The following BNC2 variants were observed in gnomAD, a reference collection of about 807,000 sequenced individuals.
The protein encoded by BNC2 is zinc finger protein basonuclin-2.
In BNC2, 20 loss-of-function variants were observed where a neutral mutation model predicts 76.3. That is an observed-to-expected ratio of 0.26 (90% CI 0.18 to 0.38). BNC2 has a LOEUF of 0.38. Among genes scored for constraint, BNC2 ranks in the 10% least tolerant of loss-of-function variants. The pLI, the probability that BNC2 is intolerant of heterozygous loss-of-function variation, is 1.00. For missense variants in BNC2, 1,382 were observed against 1,399.8 expected, an observed-to-expected ratio of 0.99 and a Z score of 0.20; for synonymous variants, 582 against 514.8, an observed-to-expected ratio of 1.13 and a Z score of -1.77.
intron 6 of BNC2, among the ~76,000 whole-genome samples, chr9:16,426,636 G>C (rs568169845): frequency 6.6e-6 from 1 of 152,242 alleles, no homozygotes; most frequent in African/African-American, 2.4e-5. Flanking sequence ...AAAAGAGTGA[G>C]CATAATCTAA....
At chr9:16,625,258 T>A (rs1820962097) in intron 3 of BNC2, among the ~76,000 whole-genome samples, 1 of 152,158 alleles carries the variant, frequency 6.6e-6, no homozygotes, top group African/African-American at 2.4e-5. Flanking sequence ...CCAGACCCGA[T>A]CGGGAAATGA....
At chr9:16,556,394 A>C (rs1457802285) in intron 4 of BNC2, among the ~76,000 whole-genome samples, 1 of 152,128 alleles carries the variant, frequency 6.6e-6, no homozygotes, top group Non-Finnish European at 1.5e-5. Flanking sequence ...AATGGAAGTC[A>C]ATAGTAGATC....
intron 1 of BNC2, among the ~76,000 whole-genome samples, chr9:16,752,692 T>C (rs1246615455): frequency 6.6e-6 from 1 of 152,186 alleles, no homozygotes; most frequent in Non-Finnish European, 1.5e-5. Flanking sequence ...TCTAGAAACA[T>C]ATATATCATC....
At chr9:16,568,132 A>T (rs1819218410) in intron 4 of BNC2, among the ~76,000 whole-genome samples, 1 of 152,134 alleles carries the variant, frequency 6.6e-6, no homozygotes, top group African/African-American at 2.4e-5. Flanking sequence ...TCCCTTTAGA[A>T]TTCCAAATTA....
intron 1 of BNC2, among the ~76,000 whole-genome samples, chr9:16,745,288 C>T (rs539285306): frequency 1.3e-5 from 2 of 152,254 alleles, no homozygotes; most frequent in South Asian, 4.1e-4. Context: ...ATGTGTTTTG[C>T]TTGGCTCCTC....
chr9:16,600,781 G>A (rs1820223182), intron 3 of BNC2, among the ~76,000 whole-genome samples: 1 of 152,070 alleles, frequency 6.6e-6, no homozygotes, highest in African/African-American at 2.4e-5. Flanking sequence ...AAGAGCTAGG[G>A]TTATACATGA....
intron 1 of BNC2, among the ~76,000 whole-genome samples, chr9:16,769,905 G>C (rs1563934776): frequency 1.3e-5 from 2 of 152,078 alleles, no homozygotes; most frequent in South Asian, 4.1e-4. Context: ...CTCTAAGTGG[G>C]TGCTCCAGGA....
At chr9:16,820,552 A>C (rs1337665986) in intron 1 of BNC2, among the ~76,000 whole-genome samples, 3 of 152,210 alleles carry the variant, frequency 2.0e-5, no homozygotes, top group Admixed American at 1.3e-4. Flanking sequence ...GGCTTAAATA[A>C]CTATGCCTTT....
At chr9:16,524,891 T>C (rs747984974) in intron 5 of BNC2, among the ~76,000 whole-genome samples, 3 of 151,922 alleles carry the variant, frequency 2.0e-5, no homozygotes, top group Non-Finnish European at 4.4e-5. Flanking sequence ...CTGGGCAACA[T>C]AGTTTGACCC....
chr9:16,811,694 G>A (rs1341464536), intron 1 of BNC2, among the ~76,000 whole-genome samples: 1 of 152,102 alleles, frequency 6.6e-6, no homozygotes, highest in Non-Finnish European at 1.5e-5. Context: ...AAACCTTTCT[G>A]CAAAATGTCC....
intron 5 of BNC2, among the ~76,000 whole-genome samples, chr9:16,444,590 G>A (rs765677889): frequency 8.5e-5 from 13 of 152,048 alleles, no homozygotes; most frequent in Non-Finnish European, 4.4e-5. Context: ...ATGAACAGGG[G>A]CATTCAACAA....
intron 5 of BNC2, among the ~76,000 whole-genome samples, chr9:16,509,438 T>G (rs996717283): frequency 5.3e-5 from 8 of 152,208 alleles, no homozygotes; most frequent in African/African-American, 1.9e-4. Context: ...ACACATAAGT[T>G]ACTCAGCCAA....
intron 1 of BNC2, among the ~76,000 whole-genome samples, chr9:16,859,901 G>T (rs1018305614): frequency 1.6e-4 from 25 of 152,172 alleles, no homozygotes; most frequent in African/African-American, 6.0e-4. Flanking sequence ...CGGGCAGAAT[G>T]CTGAGGTCAA....
Position 16,412,893 on chromosome 9 carries a change from T to A in BNC2, c.*6096A>T, listed in dbSNP as rs1392683695. On this transcript the variant is annotated 3_prime_UTR_variant, in exon 7 of 7. Coordinates refer to ENST00000380672, the MANE Select transcript of BNC2 (RefSeq NM_017637.6). ...CATCCTTTTATATTTGATGGCCAAGTGCTGAACTGGAAAGCACACTATTAG... is the reference window on the plus strand; with the variant it reads ...CATCCTTTTATATTTGATGGCCAAGAGCTGAACTGGAAAGCACACTATTAG... 1.3e-5 allele frequency: 2 copies of A among 152,606 alleles called. No homozygotes were observed. The highest frequency in any genetic ancestry group is 3.8e-4 in the East Asian group (2 of 5,196). The allele number at this position is 152,606 out of a possible 1,614,324, so 9.5% of individuals were successfully genotyped here.
chr9:16,732,406 T>A (rs1351940225), intron 2 of BNC2, among the ~76,000 whole-genome samples: 1 of 152,200 alleles, frequency 6.6e-6, no homozygotes, highest in East Asian at 1.9e-4. Context: ...GAGTTCTATG[T>A]AAATATATAT....
intron 3 of BNC2, among the ~76,000 whole-genome samples, chr9:16,677,371 G>A (rs577552398): frequency 1.3e-5 from 2 of 152,148 alleles, no homozygotes; most frequent in African/African-American, 2.4e-5. Flanking sequence ...TCAAGAGTTC[G>A]AGACCAGCCC....
At chr9:16,749,445 C>T (rs1245590645) in intron 1 of BNC2, among the ~76,000 whole-genome samples, 3 of 152,086 alleles carry the variant, frequency 2.0e-5, no homozygotes, top group African/African-American at 4.8e-5. Context: ...ATAATAATCC[C>T]AGCACCCTGG....
intron 1 of BNC2, among the ~76,000 whole-genome samples, chr9:16,804,389 A>C (rs993211483): frequency 1.3e-5 from 2 of 152,234 alleles, no homozygotes; most frequent in African/African-American, 4.8e-5. Context: ...CCTCGTGGTC[A>C]CAGCTAGAAA....
intron 5 of BNC2, among the ~76,000 whole-genome samples, chr9:16,505,253 C>G (rs973670602): frequency 1.3e-5 from 2 of 152,172 alleles, no homozygotes; most frequent in South Asian, 4.1e-4. Flanking sequence ...CCACACCATG[C>G]CACTGCAATT....
Sources: gnomAD v4.1 joint callset for allele counts (sites outside exome capture counted in the v4.1 genomes callset) on GRCh38, gnomAD v4.1.1 for gene constraint, MANE v1.5 for transcripts, NCBI Gene and HGNC (gene_info 2026-07-23, HGNC 2026-07-21) for gene names.